Variants in STOX2 observed in about 807,000 individuals in gnomAD.
STOX2 encodes the protein storkhead-box protein 2.
A neutral mutation model predicts 60.9 loss-of-function variants in STOX2; 28 were observed. That is an observed-to-expected ratio of 0.46 (90% CI 0.34 to 0.63). The LOEUF is 0.63. STOX2 is among the 30% of genes least tolerant of loss of function. The probability of loss-of-function intolerance (pLI) is 0.01; values close to 1 mark genes in which losing one functional copy is unlikely to be tolerated. For synonymous variants in STOX2, 472 were observed against 463.9 expected (o/e 1.02, Z -0.22); for missense variants, 1,024 against 1,187.7 (o/e 0.86, Z 2.03).
chr4:183,944,442 A>G (rs34267107), intron 1 of STOX2, among the ~76,000 whole-genome samples: 36,122 of 152,224 alleles, frequency 0.24, 5,339 homozygotes, highest in Middle Eastern at 0.38. Context: ...AGAGCTGGGC[A>G]TGGTGGCTCA....
chr4:183,850,944 G>C (rs62340389), intron 1 of STOX2, among the ~76,000 whole-genome samples: 435 of 30,336 alleles, frequency 0.014, 31 homozygotes, highest in Non-Finnish European at 0.027. Context: ...ATGAGGGAAA[G>C]GATGAGGGAA....
Position 184,017,437 on chromosome 4 carries a change from C to CA in STOX2, c.*159dup, listed in dbSNP as rs1390873803. On this transcript the variant is annotated 3_prime_UTR_variant, in exon 4 of 4. Transcript: ENST00000308497. ...GCTAAGTAGGGCTAGGGCAAAAAAA[C>CA]AAAAAATCTTTATTTCAGAGTATTG... The CA allele has an allele frequency of 1.6e-5, 11 of 676,096 alleles. No homozygotes were observed. Among genetic ancestry groups the CA allele is most frequent in the South Asian group, 2.2e-5 (1 of 44,908 alleles). The allele number at this position is 676,096 out of a possible 1,614,324, so 41.9% of individuals were successfully genotyped here. A position where few individuals can be genotyped will look rare whatever the true frequency, so the allele number is the denominator to read the frequency against.
chr4:183,851,884 T>G (rs1740150508), intron 1 of STOX2, among the ~76,000 whole-genome samples: 1 of 61,038 alleles, frequency 1.6e-5, no homozygotes. Context: ...AGGGAAAGGA[T>G]GAGGGAAAGG....
intron 1 of STOX2, among the ~76,000 whole-genome samples, chr4:183,843,147 C>CAAAAA (rs60213127): frequency 9.9e-4 from 101 of 102,136 alleles, no homozygotes; most frequent in African/African-American, 3.3e-3. Flanking sequence ...GACTCCATCT[C>CAAAAA]AAAAAAAAAA....
intron 1 of STOX2, among the ~76,000 whole-genome samples, chr4:183,941,384 A>G (rs1346308910): frequency 6.6e-6 from 1 of 152,192 alleles, no homozygotes; most frequent in African/African-American, 2.4e-5. Flanking sequence ...TCTGGGTAAC[A>G]TGGCAAAACT....
intron 1 of STOX2, among the ~76,000 whole-genome samples, chr4:183,944,092 T>C (rs1212988445): frequency 6.6e-6 from 1 of 152,150 alleles, no homozygotes; most frequent in Admixed American, 6.5e-5. Flanking sequence ...TGAGTGTAGA[T>C]AGAGAGAAGA....
intron 1 of STOX2, among the ~76,000 whole-genome samples, chr4:183,882,696 A>G (rs1376189189): frequency 6.6e-6 from 1 of 152,190 alleles, no homozygotes; most frequent in African/African-American, 2.4e-5. Flanking sequence ...CGGGCTTCAT[A>G]TTTCATTGAA....
intron 1 of STOX2, among the ~76,000 whole-genome samples, chr4:183,944,315 G>A (rs1348701183): frequency 1.3e-5 from 2 of 152,216 alleles, no homozygotes; most frequent in Non-Finnish European, 2.9e-5. Context: ...AATAGTTCAC[G>A]TGGTGCTGAT....
At chr4:183,880,226 C>T (rs1314922923) in intron 1 of STOX2, among the ~76,000 whole-genome samples, 6 of 152,188 alleles carry the variant, frequency 3.9e-5, no homozygotes, top group East Asian at 1.9e-4. Flanking sequence ...TCAGGTGATC[C>T]GCCCGCCTTG....
chr4:183,903,291 C>T (rs1193971369), upstream of STOX2, among the ~76,000 whole-genome samples: 3 of 152,198 alleles, frequency 2.0e-5, no homozygotes, highest in East Asian at 5.8e-4. Context: ...TTTTCCACTT[C>T]CTCCAACAGA....
chr4:183,923,843 G>T (rs1328684954), intron 1 of STOX2, among the ~76,000 whole-genome samples: 1 of 152,044 alleles, frequency 6.6e-6, no homozygotes, highest in African/African-American at 2.4e-5. Context: ...CATTCGGCAG[G>T]GTCAGCATTG....
intron 1 of STOX2, among the ~76,000 whole-genome samples, chr4:183,814,169 G>C (rs1215110505): frequency 6.6e-6 from 1 of 152,044 alleles, no homozygotes; most frequent in Non-Finnish European, 1.5e-5. Context: ...GTAAATTATG[G>C]TTCTTTATAT....
chr4:183,866,074 A>G (rs1740559832), intron 1 of STOX2, among the ~76,000 whole-genome samples: 2 of 152,150 alleles, frequency 1.3e-5, no homozygotes, highest in South Asian at 4.1e-4. Flanking sequence ...AGCATAGGTG[A>G]AGGGGAGAAA....
intron 1 of STOX2, among the ~76,000 whole-genome samples, chr4:183,893,230 C>G (rs572616603): frequency 6.6e-6 from 1 of 152,218 alleles, no homozygotes; most frequent in East Asian, 1.9e-4. Flanking sequence ...CTCGTATCTA[C>G]TGAGACGCCA....
In STOX2 at chr4:184,020,529, C is replaced by T. The variant is rs1260048465; in HGVS notation, c.*3245C>T. ...GTGGACTGCCAAGCTTGAAGCACTT[C>T]GGGCTCTGCCTTCACTCGCATGCTA... On this transcript the variant is annotated 3_prime_UTR_variant, in exon 4 of 4. Transcript: ENST00000308497. 2.6e-5 allele frequency: 4 copies of T among 152,158 alleles called. No homozygotes were observed. Among genetic ancestry groups the T allele is most frequent in the African/African-American group, 7.2e-5 (3 of 41,416 alleles). 9.4% of individuals were successfully genotyped at this position (152,158 alleles called of 1,614,324 possible). A position where few individuals can be genotyped will look rare whatever the true frequency, so the allele number is the denominator to read the frequency against.
At chr4:183,994,126 A>G (rs2111210684) in intron 1 of STOX2, among the ~76,000 whole-genome samples, 1 of 152,348 alleles carries the variant, frequency 6.6e-6, no homozygotes, top group Admixed American at 6.5e-5. Context: ...GATTTCCCCA[A>G]GCCCAAGGGC....
chr4:183,913,396 T>C (rs1420371825), intron 1 of STOX2, among the ~76,000 whole-genome samples: 1 of 152,086 alleles, frequency 6.6e-6, no homozygotes, highest in Non-Finnish European at 1.5e-5. Flanking sequence ...ATGCATGTTG[T>C]GAACGTCTAG....
chr4:183,923,173 CT>C (rs1742149862), intron 1 of STOX2, among the ~76,000 whole-genome samples: 1 of 152,198 alleles, frequency 6.6e-6, no homozygotes, highest in Non-Finnish European at 1.5e-5. Flanking sequence ...CATGGTAATT[CT>C]GTTTAACTTA....
At chr4:183,904,315 A>C (rs1741531874), upstream of STOX2, among the ~76,000 whole-genome samples, 1 of 152,212 alleles carries the variant, frequency 6.6e-6, no homozygotes, top group Non-Finnish European at 1.5e-5. Flanking sequence ...GGGTAGGTAA[A>C]TATCCAAGCA....
Sources: gnomAD v4.1 joint callset for allele counts (sites outside exome capture counted in the v4.1 genomes callset) on GRCh38, gnomAD v4.1.1 for gene constraint, MANE v1.5 for transcripts, NCBI Gene and HGNC (gene_info 2026-07-23, HGNC 2026-07-21) for gene names.